Variants in MTG1 observed in about 807,000 individuals in gnomAD.
The protein encoded by MTG1 is mitochondrial ribosome-associated GTPase 1.
A neutral mutation model predicts 39.5 loss-of-function variants in MTG1; 30 were observed. The observed-to-expected ratio is 0.76, with a 90% CI of 0.57 to 1.03. MTG1 has a LOEUF of 1.03. Among genes scored for constraint, MTG1 ranks in the 50% least tolerant of loss-of-function variants. The probability of loss-of-function intolerance (pLI) is 0.00; values close to 1 mark genes in which losing one functional copy is unlikely to be tolerated. For synonymous variants in MTG1, 217 were observed against 179.0 expected, an observed-to-expected ratio of 1.21 and a Z score of -1.69; for missense variants, 513 against 447.4, an observed-to-expected ratio of 1.15 and a Z score of -1.32.
chr10:133,401,594 G>T lies in MTG1; in HGVS notation c.573+4G>T, dbSNP rs1352439735. ...AGCTGTGATGTCCAAAATTCAGGTG[G>T]AGTCCTCAGGGGCCAGGCCCAGCAC... On this transcript the variant is annotated splice_donor_region_variant and intron_variant, in intron 7 of 10. Coordinates refer to ENST00000317502, the MANE Select transcript of MTG1 (RefSeq NM_138384.4). The T allele has an allele frequency of 6.2e-7, 1 of 1,612,786 alleles. No homozygotes were observed. Among genetic ancestry groups the T allele is most frequent in the East Asian group, 2.2e-5 (1 of 44,836 alleles).
Position 133,402,759 on chromosome 10 carries a change from A to G in MTG1, c.738A>G (p.Lys246=). 1 of 1,605,584 alleles carries G rather than the reference A, an allele frequency of 6.2e-7. No homozygotes were observed. The highest frequency in any genetic ancestry group is 2.2e-5 in the East Asian group (1 of 44,666). ...MADYLLYTLN[K]HQRFGYVQHY... ...ACTACCTGCTGTACACCCTCAACAA[A>G]CACCAGCGCTTTGGGTGAGTGCAGT... The change falls in exon 9 of 11, where the codon AAA becomes AAG. Residue 246 remains lysine, a synonymous_variant. Transcript: ENST00000317502. This position sits in a 1 kb window ranked among gnomAD's most constrained non-coding sequence, Gnocchi z 4.7.
intron 7 of MTG1, chr10:133,401,827 C>T (rs1242402478): frequency 1.5e-6 from 1 of 676,586 alleles, no homozygotes; most frequent in Non-Finnish European, 2.7e-6. Flanking sequence ...GATGAGGAGG[C>T]CACTGTCCAG....
At chr10:133,407,812 C>T (rs564688870) in intron 9 of MTG1, among the ~76,000 whole-genome samples, 10 of 152,226 alleles carry the variant, frequency 6.6e-5, no homozygotes, top group South Asian at 6.2e-4. Context: ...TCAGGTAATC[C>T]GCCTGCCTTG....
rs201319612 is a variant in MTG1 at position 133,419,499 on chromosome 10, C to T, written c.772C>T (p.Leu258=). 12 of 1,604,240 alleles carry T rather than the reference C, an allele frequency of 7.5e-6. No homozygotes were observed. The East Asian group carries it at 2.5e-4, about 33-fold the overall frequency. Residue 258 remains leucine, a synonymous_variant, in exon 10 of 11, where the codon CTG becomes TTG. Transcript: ENST00000317502. ...GTGCAGGTACGTGCAGCACTACGGC[C>T]TGGGCAGTGCCTGTGACAACGTAGA... The part of the protein sequence containing the change: ...QRFGYVQHYG[L]GSACDNVERV...
rs566082339 is a variant in MTG1 at position 133,397,850 on chromosome 10, C to T, written c.283-585C>T. Among the ~76,000 whole-genome samples, 269 of 150,568 alleles carry T rather than the reference C, an allele frequency of 1.8e-3. 4 individuals carry two copies. Among genetic ancestry groups the T allele is most frequent in the African/African-American group, 6.4e-3 (259 of 40,696 alleles). On this transcript the variant is annotated intron_variant, in intron 3 of 10. Coordinates refer to ENST00000317502, the MANE Select transcript of MTG1 (RefSeq NM_138384.4). ...TACTTTTACGTCATATCAGTGGCAA[C>T]TCCTGCCTTTGAAAATGTGACTTTT...
chr10:133,402,267 G>A lies in MTG1; in HGVS notation c.670+22G>A, dbSNP rs751887598. 1 of 1,612,824 alleles carries A rather than the reference G, an allele frequency of 6.2e-7. No individual in the cohort carries two copies. The highest frequency in any genetic ancestry group is 8.5e-7 in the Non-Finnish European group (1 of 1,179,620). On this transcript the variant is annotated intron_variant, in intron 8 of 10. Coordinates refer to ENST00000317502, the MANE Select transcript of MTG1 (RefSeq NM_138384.4). This position sits in a 1 kb window ranked among gnomAD's most constrained non-coding sequence, Gnocchi z 4.7. ...TGTGGTGAGCCGGGGCTGGGGCTGGGGCTGGGGCTGGGACCGGGGCCCCTG... is the reference window on the plus strand; with the variant it reads ...TGTGGTGAGCCGGGGCTGGGGCTGGAGCTGGGGCTGGGACCGGGGCCCCTG...
chr10:133,417,836 C>T (rs1564823801), intron 9 of MTG1, among the ~76,000 whole-genome samples: 1 of 152,158 alleles, frequency 6.6e-6, no homozygotes, highest in Admixed American at 6.5e-5. Context: ...AGGACCTCTT[C>T]AAGGAGAACT....
Position 133,402,762 on chromosome 10 carries a change from C to A in MTG1, c.741C>A (p.His247Gln). The change falls in exon 9 of 11, where the codon CAC (histidine) becomes CAA (glutamine). Residue 247 changes from histidine to glutamine, a missense_variant. Coordinates refer to ENST00000317502, the MANE Select transcript of MTG1 (RefSeq NM_138384.4). The surrounding 1 kb of genome is among the most constrained non-coding windows in gnomAD (Gnocchi z 4.7). ...ACCTGCTGTACACCCTCAACAAACA[C>A]CAGCGCTTTGGGTGAGTGCAGTGAA... ...ADYLLYTLNK[H>Q]QRFGYVQHYG... 6.2e-7 allele frequency: 1 copy of A among 1,604,866 alleles called. No homozygotes were observed.
chr10:133,398,585 T>G, intron 4 of MTG1, 70 bp downstream of exon 4: 3 of 1,509,278 alleles, frequency 2.0e-6, no homozygotes, highest in Non-Finnish European at 2.7e-6. Flanking sequence ...ATAAACTGTT[T>G]TATGCTTTAG....
chr10:133,416,914 T>C (rs974669125), intron 9 of MTG1, among the ~76,000 whole-genome samples: 2 of 152,052 alleles, frequency 1.3e-5, no homozygotes, highest in African/African-American at 2.4e-5. Flanking sequence ...TTTGGGTATA[T>C]ACCCAGTAAT....
intron 9 of MTG1, among the ~76,000 whole-genome samples, 153 bp from the exon 10 acceptor site, chr10:133,419,327 C>T (rs1284623354): frequency 6.6e-6 from 1 of 152,230 alleles, no homozygotes; most frequent in Non-Finnish European, 1.5e-5. Flanking sequence ...CACCTGCAGT[C>T]TCATCTTGGT....
At chr10:133,414,043 C>T (rs1316554754) in intron 9 of MTG1, among the ~76,000 whole-genome samples, 1 of 148,830 alleles carries the variant, frequency 6.7e-6, no homozygotes, top group Non-Finnish European at 1.5e-5. Flanking sequence ...TCTGGTTTTC[C>T]TAGGCAGAGG....
intron 9 of MTG1, among the ~76,000 whole-genome samples, chr10:133,404,643 AG>A (rs1564820527): frequency 6.6e-6 from 1 of 152,174 alleles, no homozygotes; most frequent in African/African-American, 2.4e-5. Context: ...CAGGGTCACA[AG>A]GGTTTCCTCA....
intron 9 of MTG1, among the ~76,000 whole-genome samples, chr10:133,404,407 A>G (rs1036170202): frequency 6.6e-6 from 1 of 152,194 alleles, no homozygotes; most frequent in Admixed American, 6.5e-5. Flanking sequence ...GATTATAGGC[A>G]TGAGGCACCA....
At chr10:133,417,855 C>T (rs1850155990) in intron 9 of MTG1, among the ~76,000 whole-genome samples, 1 of 152,122 alleles carries the variant, frequency 6.6e-6, no homozygotes, top group Non-Finnish European at 1.5e-5. Context: ...CTACAAACCA[C>T]TGCTCAATGA....
At chr10:133,412,121 GT>G (rs144798218) in intron 9 of MTG1, among the ~76,000 whole-genome samples, 2,283 of 151,998 alleles carry the variant, frequency 0.015, 61 homozygotes, top group African/African-American at 0.052. Flanking sequence ...TCTGCCTGGA[GT>G]TTTTTTCACT....
At chr10:133,409,733 T>C (rs533061361) in intron 9 of MTG1, among the ~76,000 whole-genome samples, 210 of 152,370 alleles carry the variant, frequency 1.4e-3, no homozygotes, top group Non-Finnish European at 2.3e-3. Flanking sequence ...ATAATTGTTA[T>C]ATCTGCTTGC....
intron 3 of MTG1, among the ~76,000 whole-genome samples, chr10:133,396,996 T>C (rs899166507): frequency 2.0e-5 from 3 of 152,128 alleles, no homozygotes; most frequent in South Asian, 2.1e-4. Flanking sequence ...CAGGGGAGTT[T>C]AGAGAAGACT....
chr10:133,411,177 TCA>T (rs1850040692), intron 9 of MTG1, among the ~76,000 whole-genome samples: 1 of 152,088 alleles, frequency 6.6e-6, no homozygotes, highest in African/African-American at 2.4e-5. Flanking sequence ...CTTTACTCTT[TCA>T]TGTTTGAAGG....
Sources: gnomAD v4.1 joint callset for allele counts (sites outside exome capture counted in the v4.1 genomes callset) on GRCh38, gnomAD v4.1.1 for gene constraint, Gnocchi (gnomAD v3.1) non-coding constraint, MANE v1.5 for transcripts, NCBI Gene and HGNC (gene_info 2026-07-23, HGNC 2026-07-21) for gene names.